TNRC6B: variants seen among roughly 807,000 people sequenced by gnomAD.
TNRC6B encodes the protein trinucleotide repeat containing adaptor 6B, also known as trinucleotide repeat-containing gene 6B protein.
Under a neutral mutation model 203.6 loss-of-function variants are expected in TNRC6B, and 52 were observed. The observed-to-expected ratio is 0.26, with a 90% CI of 0.20 to 0.32. The LOEUF (loss-of-function observed/expected upper bound fraction) is 0.32. Among genes scored for constraint, TNRC6B ranks in the 10% least tolerant of loss-of-function variants. The pLI is 1.00. For missense variants in TNRC6B, 1,923 were observed against 2,286.2 expected (o/e 0.84, Z 3.24); for synonymous variants, 838 against 845.7 (o/e 0.99, Z 0.16).
At chr22:40,083,156 G>C (rs1354008112) in intron 1 of TNRC6B, among the ~76,000 whole-genome samples, 5 of 152,210 alleles carry the variant, frequency 3.3e-5, no homozygotes, top group Admixed American at 1.3e-4. Context: ...ATCAGAGGAG[G>C]ATGAAGGAGA....
At chr22:40,080,736 A>G (rs901457748) in intron 1 of TNRC6B, among the ~76,000 whole-genome samples, 3 of 151,912 alleles carry the variant, frequency 2.0e-5, no homozygotes, top group African/African-American at 7.3e-5. Context: ...CAGCTCAGCC[A>G]CATCTCTTTT....
At chr22:40,311,876 A>G (rs1019654240) in intron 17 of TNRC6B, among the ~76,000 whole-genome samples, 2 of 152,258 alleles carry the variant, frequency 1.3e-5, no homozygotes, top group Non-Finnish European at 2.9e-5. Context: ...TCGTTCATAT[A>G]TAATACACAT....
intron 1 of TNRC6B, among the ~76,000 whole-genome samples, chr22:40,098,810 C>T (rs535282653): frequency 6.6e-6 from 1 of 152,236 alleles, no homozygotes; most frequent in African/African-American, 2.4e-5. Context: ...TCACTGCAAT[C>T]TCGAACTCCT....
intron 1 of TNRC6B, 142 bp from the exon 2 acceptor site, chr22:40,245,873 T>C (rs1381034646): frequency 8.5e-6 from 4 of 471,994 alleles, no homozygotes; most frequent in Non-Finnish European, 1.5e-5. Context: ...ATGGATCCTT[T>C]TGATTTAAAT....
At chr22:40,140,903 A>G (rs1037123650) in intron 3 of TNRC6B, among the ~76,000 whole-genome samples, 3 of 152,116 alleles carry the variant, frequency 2.0e-5, no homozygotes, top group Non-Finnish European at 4.4e-5. Context: ...AGCCTCCCAA[A>G]AGGCTGGGAT....
intron 12 of TNRC6B, among the ~76,000 whole-genome samples, chr22:40,288,821 G>A (rs1479159661): frequency 4.7e-5 from 7 of 148,712 alleles, no homozygotes; most frequent in Non-Finnish European, 7.4e-5. Context: ...GATTACAGGC[G>A]TGAGCCACTG....
At chr22:40,082,270 T>C (rs2068069129) in intron 1 of TNRC6B, among the ~76,000 whole-genome samples, 1 of 152,236 alleles carries the variant, frequency 6.6e-6, no homozygotes, top group South Asian at 2.1e-4. Flanking sequence ...CAGGGAGAAC[T>C]ATTATAGATA....
chr22:40,069,775 A>C (rs1336732836), intron 1 of TNRC6B, among the ~76,000 whole-genome samples: 3 of 152,192 alleles, frequency 2.0e-5, no homozygotes, highest in Non-Finnish European at 4.4e-5. Context: ...GGCCTGAGGC[A>C]CTGCGCCCGG....
At chr22:40,214,812 C>T (rs1207838262) in intron 1 of TNRC6B, among the ~76,000 whole-genome samples, 2 of 152,140 alleles carry the variant, frequency 1.3e-5, no homozygotes, top group Non-Finnish European at 2.9e-5. Context: ...CCTTGGCCTC[C>T]CAAAGTGCTG....
intron 3 of TNRC6B, among the ~76,000 whole-genome samples, chr22:40,138,940 T>C (rs765838656): frequency 2.6e-5 from 4 of 152,250 alleles, no homozygotes; most frequent in Non-Finnish European, 5.9e-5. Flanking sequence ...AGCAGCTTTA[T>C]TAAGGTATAC....
chr22:40,132,580 G>C (rs1204761732), intron 3 of TNRC6B, among the ~76,000 whole-genome samples: 1 of 149,988 alleles, frequency 6.7e-6, no homozygotes, highest in Non-Finnish European at 1.5e-5. Flanking sequence ...GGGAGGCAGA[G>C]GTTGCAGTGA....
chr22:40,063,588 G>A (rs959089215), intron 1 of TNRC6B, among the ~76,000 whole-genome samples: 6 of 151,994 alleles, frequency 3.9e-5, no homozygotes, highest in African/African-American at 1.5e-4. Context: ...AATTTATTTC[G>A]ACGTTTTATG....
chr22:40,079,585 T>A (rs867357629), intron 1 of TNRC6B, among the ~76,000 whole-genome samples: 37 of 148,818 alleles, frequency 2.5e-4, no homozygotes, highest in African/African-American at 6.2e-4. Context: ...ATATATATAT[T>A]TTTTATGATA....
chr22:40,070,776 A>AT (rs750997276), intron 1 of TNRC6B, among the ~76,000 whole-genome samples: 6,103 of 146,868 alleles, frequency 0.042, 386 homozygotes, highest in African/African-American at 0.13. Context: ...TATAGCTCAG[A>AT]TTTTTTTTTT....
intron 1 of TNRC6B, among the ~76,000 whole-genome samples, chr22:40,214,219 A>T (rs1388993519): frequency 3.9e-5 from 6 of 152,074 alleles, no homozygotes; most frequent in Non-Finnish European, 8.8e-5. Context: ...GTGAGCAGAG[A>T]TTGCACCACT....
At position 40,335,508 on chromosome 22, in the gene TNRC6B, A is replaced by G. The variant is rs576460371; in HGVS notation, c.*12267A>G. 36 of 151,780 alleles carry G rather than the reference A, an allele frequency of 2.4e-4. No homozygotes were observed. In the South Asian group the frequency reaches 7.3e-3, roughly 31 times the overall value. The allele number at this position is 151,780 out of a possible 1,614,324, so 9.4% of individuals were successfully genotyped here. Reference sequence around the variant, plus strand: ...AAAAAAAAAAAGTATCAAAAACAAAAAAAACTAAAGGGTGGTGTTTTATTG... The same window carrying G: ...AAAAAAAAAAAGTATCAAAAACAAAGAAAACTAAAGGGTGGTGTTTTATTG... On this transcript the variant is annotated 3_prime_UTR_variant, in exon 23 of 23. Transcript: ENST00000454349.
chr22:40,114,172 C>T (rs2068366244), intron 1 of TNRC6B, among the ~76,000 whole-genome samples: 1 of 152,076 alleles, frequency 6.6e-6, no homozygotes, highest in Non-Finnish European at 1.5e-5. Flanking sequence ...CTGCCATACT[C>T]AGAGGTGATA....
chr22:40,137,811 G>T (rs555411461), intron 3 of TNRC6B, among the ~76,000 whole-genome samples: 3 of 151,656 alleles, frequency 2.0e-5, no homozygotes, highest in Non-Finnish European at 4.4e-5. Flanking sequence ...TGGTGAAACC[G>T]CATCTCTACT....
chr22:40,313,112 A>G, intron 19 of TNRC6B, 115 bp downstream of exon 19: 2 of 756,014 alleles, frequency 2.6e-6, no homozygotes, highest in Non-Finnish European at 4.4e-6. Context: ...GTTCAGTAGC[A>G]TAGGTCAGTA....
Sources: allele counts gnomAD v4.1 joint callset (sites outside exome capture counted in the v4.1 genomes callset), GRCh38; gene constraint gnomAD v4.1.1; transcripts MANE v1.5; gene names NCBI Gene and HGNC (gene_info 2026-07-23, HGNC 2026-07-21).